TTN: variants seen among roughly 807,000 people sequenced by gnomAD.
TTN encodes the protein connectin.
In TTN, 1,525 loss-of-function variants were observed where a neutral mutation model predicts 3,223.0. The observed-to-expected ratio is 0.47, with a 90% CI of 0.45 to 0.49. The LOEUF (loss-of-function observed/expected upper bound fraction) is 0.49, where lower values mean the gene tolerates loss of function less well. TTN is among the 20% of genes least tolerant of loss of function. TTN has a pLI of 0.00. For missense variants in TTN, 40,786 were observed against 43,424.0 expected (o/e 0.94, Z 5.40); for synonymous variants, 14,094 against 15,161.0 (o/e 0.93, Z 5.17).
Position 178,636,341 on chromosome 2 carries a change from C to G in TTN, c.41329+57G>C. ...TGTAAAACTACAATGCAAGTTGCTA[C>G]TAAGGTTTGTTACATTAAAGTTTAA... On this transcript the variant is annotated intron_variant, in intron 225 of 362. Coordinates refer to ENST00000589042, the MANE Select transcript of TTN (RefSeq NM_001267550.2). The surrounding 1 kb of genome is among the most constrained non-coding windows in gnomAD (Gnocchi z 4.3). The G allele has an allele frequency of 1.3e-6, 2 of 1,523,560 alleles. No homozygotes were observed. Among genetic ancestry groups the G allele is most frequent in the South Asian group, 2.7e-5 (2 of 74,964 alleles). The allele number at this position is 1,523,560 out of a possible 1,614,324, so 94.4% of individuals were successfully genotyped here.
At position 178,539,944 on chromosome 2, in the gene TTN, A is replaced by G. The variant is rs1693581690; in HGVS notation, c.98121T>C (p.Asp32707=). The change falls in exon 352 of 363, where the codon GAT becomes GAC. Residue 32707 remains aspartate, a synonymous_variant. Transcript: ENST00000589042. ...CAAAGATACCTTCTTGGTATCTTTCATCAAGTTCATAATCAGGATATTCTG... is the reference window on the plus strand; with the variant it reads ...CAAAGATACCTTCTTGGTATCTTTCGTCAAGTTCATAATCAGGATATTCTG... ...EMLEYPDYEL[D]ERYQEGIFVR... 6.2e-7 allele frequency: 1 copy of G among 1,613,442 alleles called. No homozygotes were observed. Among genetic ancestry groups the G allele is most frequent in the Admixed American group, 1.7e-5 (1 of 59,980 alleles).
In TTN at chr2:178,543,468, G is replaced by A; in HGVS notation, c.96505C>T (p.Leu32169Phe). The stretch of plus-strand genomic sequence containing the variant: ...AAATAGTACATGGTTCCTTCTACAA[G>A]TCCAGAAATTCTGTAAAGTGTCTTG... Reference protein sequence around the residue: ...CSKTLYRISGLVEGTMYYFRV... With the variant: ...CSKTLYRISGFVEGTMYYFRV... The change falls in exon 347 of 363, where the codon CTT becomes TTT. Residue 32169 changes from leucine to phenylalanine, a missense_variant. Transcript: ENST00000589042. The A allele has an allele frequency of 6.2e-7, 1 of 1,613,754 alleles. No homozygotes were observed.
Position 178,589,280 on chromosome 2 carries a change from T to G in TTN, c.62445A>C (p.Ser20815=). The change falls in exon 304 of 363, where the codon TCA becomes TCC. Residue 20815 remains serine, a synonymous_variant. Transcript: ENST00000589042. ...KDKDATDLTR[S]PRVKIDTRAD... is the part of the protein sequence containing the mutation. ...CACGGGTATCAATCTTGACCCTTGG[T>G]GATCTTGTTAAGTCTGTAGCGTCTT... 3 of 1,613,502 alleles carry G rather than the reference T, an allele frequency of 1.9e-6. No individual in the cohort carries two copies. Among genetic ancestry groups the G allele is most frequent in the Non-Finnish European group, 2.5e-6 (3 of 1,179,620 alleles).
chr2:178,719,518 A>G, intron 82 of TTN, 36 bp downstream of exon 82: 1 of 1,588,432 alleles, frequency 6.3e-7, no homozygotes, highest in East Asian at 2.2e-5. Flanking sequence ...ACCCCCTGGA[A>G]ATATTGTATA....
chr2:178,789,949 C>A (rs879243897), intron 12 of TTN, 29 bp downstream of exon 12: 7 of 1,611,658 alleles, frequency 4.3e-6, no homozygotes, highest in African/African-American at 1.3e-5. Context: ...TAAAGATGAA[C>A]TTTTCACAGC....
intron 44 of TTN, 176 bp downstream of exon 44, chr2:178,758,808 A>T: frequency 1.5e-6 from 1 of 685,510 alleles, no homozygotes; most frequent in South Asian, 1.7e-5. Context: ...ATGATTCACA[A>T]TGAAAAGTGG....
Position 178,560,535 on chromosome 2 carries a change from C to T in TTN, c.85597G>A (p.Val28533Ile). 6.2e-7 allele frequency: 1 copy of T among 1,613,256 alleles called. No individual in the cohort carries two copies. Among genetic ancestry groups the T allele is most frequent in the Non-Finnish European group, 8.5e-7 (1 of 1,179,634 alleles). ...GCTACACTCTCTAGGGGCTCACCAA[C>T]ACCATATTTATTAACACCAGTTACT... is the stretch of plus-strand genomic sequence containing the variant. ...FRVTGVNKYG[V>I]GEPLESVAIK... Residue 28533 changes from valine (V) to isoleucine (I), a missense_variant, in exon 326 of 363, where the codon GTT (valine) becomes ATT (isoleucine). Coordinates refer to ENST00000589042, the MANE Select transcript of TTN (RefSeq NM_001267550.2).
chr2:178,700,473 T>C (rs1360507991), intron 111 of TTN, among the ~76,000 whole-genome samples: 2 of 152,216 alleles, frequency 1.3e-5, no homozygotes, highest in East Asian at 3.8e-4. Context: ...TCTGACAGCA[T>C]TTCTGAACTC....
Position 178,711,207 on chromosome 2 carries a change from G to A in TTN, c.28029C>T (p.Asp9343=), listed in dbSNP as rs751194103. The A allele has an allele frequency of 1.9e-6, 3 of 1,613,800 alleles. No homozygotes were observed. Among genetic ancestry groups the A allele is most frequent in the Non-Finnish European group, 2.5e-6 (3 of 1,179,780 alleles). ...SWYKDGKPLK[D]SPNVQTSFLD... The stretch of plus-strand genomic sequence containing the variant: ...AAAATGATGTTTGTACATTTGGGCT[G>A]TCTTTCAATGGCTTGCCGTCTTTAT... Residue 9343 remains aspartate (D), a synonymous_variant, in exon 97 of 363, where the codon GAC becomes GAT. Coordinates refer to ENST00000589042, the MANE Select transcript of TTN (RefSeq NM_001267550.2).
intron 3 of TTN, 33 bp from the exon 4 acceptor site, chr2:178,800,715 G>A (rs776999019): frequency 5.1e-6 from 8 of 1,582,402 alleles, no homozygotes; most frequent in Non-Finnish European, 6.0e-6. Flanking sequence ...TCAAGAGTGA[G>A]AGCCAGGGTG....
chr2:178,689,798 C>A lies in TTN; in HGVS notation c.31846+15G>T. The A allele has an allele frequency of 1.9e-6, 3 of 1,592,316 alleles. No homozygotes were observed. The highest frequency in any genetic ancestry group is 2.6e-6 in the Non-Finnish European group (3 of 1,172,816). On this transcript the variant is annotated intron_variant, in intron 122 of 362. Coordinates refer to ENST00000589042, the MANE Select transcript of TTN (RefSeq NM_001267550.2). The stretch of plus-strand genomic sequence containing the variant: ...AAAGATAAAAGATAGGGCTTTACGT[C>A]GAAAGCCACTGTACCTTTAGCTGGG...
chr2:178,614,096 C>G lies in TTN; in HGVS notation c.49301G>C (p.Gly16434Ala). The change falls in exon 262 of 363, where the codon GGT (glycine) becomes GCT (alanine). Residue 16434 changes from glycine to alanine, a missense_variant. Gly to Ala is a moderately conservative substitution (Grantham distance 60). Coordinates refer to ENST00000589042, the MANE Select transcript of TTN (RefSeq NM_001267550.2). ...TATTGGAGAGGCCTGAACTGGTTCA[C>G]CAACACCATACATGTTTTCTGCAGC... ...RVAAENMYGV[G>A]EPVQASPITA... 6.2e-7 allele frequency: 1 copy of G among 1,612,478 alleles called. No individual in the cohort carries two copies. Among genetic ancestry groups the G allele is most frequent in the Non-Finnish European group, 8.5e-7 (1 of 1,179,224 alleles).
Position 178,614,859 on chromosome 2 carries a change from C to T in TTN, c.48748G>A (p.Val16250Met), listed in dbSNP as rs1051281754. Residue 16250 changes from valine to methionine, a missense_variant, in exon 260 of 363, where the codon GTG becomes ATG. Coordinates refer to ENST00000589042, the MANE Select transcript of TTN (RefSeq NM_001267550.2). The stretch of plus-strand genomic sequence containing the variant: ...CAAAAATAGATACCTTGTGTGTCCA[C>T]AGCCTGGATTTCCTCTGTGGGTCTG... ...PSRPTEEIQA[V>M]DTQEAPEIFL... 2 of 1,572,220 alleles carry T rather than the reference C, an allele frequency of 1.3e-6. No homozygotes were observed. Among genetic ancestry groups the T allele is most frequent in the Non-Finnish European group, 1.7e-6 (2 of 1,157,368 alleles).
At chr2:178,587,083 T>C in intron 307 of TTN, 35 bp downstream of exon 307, 1 of 1,610,036 alleles carries the variant, frequency 6.2e-7, no homozygotes, top group Non-Finnish European at 8.5e-7. Flanking sequence ...AATAGGAGAC[T>C]GGGGTTAAAA....
chr2:178,635,514 G>T lies in TTN; in HGVS notation c.41810C>A (p.Ala13937Asp). ...GNHLYLKIKN[A>D]MPEDIAEYAV... is the part of the protein sequence containing the mutation. ...ATACTCAGCAATATCTTCTGGCATA[G>T]CATTCTTAATTTTGAGGTACAGATG... The change falls in exon 227 of 363, where the codon GCT (alanine) becomes GAT (aspartate). Residue 13937 changes from alanine (A) to aspartate (D), a missense_variant. Physicochemically the swap from Ala to Asp is moderately radical, Grantham distance 126. Coordinates refer to ENST00000589042, the MANE Select transcript of TTN (RefSeq NM_001267550.2). The T allele has an allele frequency of 6.2e-7, 1 of 1,601,206 alleles. No homozygotes were observed. Among genetic ancestry groups the T allele is most frequent in the Admixed American group, 1.7e-5 (1 of 58,146 alleles).
Position 178,757,835 on chromosome 2 carries a change from C to A in TTN, c.10385G>T (p.Gly3462Val), listed in dbSNP as rs1239397665. 1 of 1,595,142 alleles carries A rather than the reference C, an allele frequency of 6.3e-7. No homozygotes were observed. The highest frequency in any genetic ancestry group is 1.1e-5 in the South Asian group (1 of 88,294). ...AGGCTGGATGAAGCTGGGCTTTTGG[C>A]CAAGGGGCTCCTTCTTAAATGAAAC... ...LSVSFKKEPL[G>V]QKPSFIQPLS... Residue 3462 changes from glycine (G) to valine (V), a missense_variant, in exon 45 of 363, where the codon GGC becomes GTC. Physicochemically the swap from Gly to Val is moderately radical, Grantham distance 109. Transcript: ENST00000589042.
chr2:178,749,512 G>A, intron 47 of TTN: 1 of 1,612,832 alleles, frequency 6.2e-7, no homozygotes, highest in South Asian at 1.1e-5. Flanking sequence ...CATTTGTCCA[G>A]GGAGTAAAGG....
At position 178,536,337 on chromosome 2, in the gene TTN, T is replaced by A; in HGVS notation, c.100410A>T (p.Glu33470Asp). ...TCCATTCACTTTCCCCACCTAGATTTTCACATTTCACACGAAACTCGTATT... is the reference window on the plus strand; with the variant it reads ...TCCATTCACTTTCCCCACCTAGATTATCACATTTCACACGAAACTCGTATT... ...GLEYEFRVKCENLGGESEWSE... is the reference protein window; with the variant it reads ...GLEYEFRVKCDNLGGESEWSE... Residue 33470 changes from glutamate to aspartate, a missense_variant, in exon 357 of 363, where the codon GAA (glutamate) becomes GAT (aspartate). Coordinates refer to ENST00000589042, the MANE Select transcript of TTN (RefSeq NM_001267550.2). 1 of 1,613,788 alleles carries A rather than the reference T, an allele frequency of 6.2e-7. No homozygotes were observed. The highest frequency in any genetic ancestry group is 8.5e-7 in the Non-Finnish European group (1 of 1,179,784).
At chr2:178,756,867 T>C in intron 45 of TTN, 70 bp from the exon 46 acceptor site, 1 of 1,371,956 alleles carries the variant, frequency 7.3e-7, no homozygotes, top group Non-Finnish European at 1.0e-6. Flanking sequence ...CCCATGTTAG[T>C]AACACAAAAT....
Sources: gnomAD v4.1 joint callset for allele counts (sites outside exome capture counted in the v4.1 genomes callset) on GRCh38, gnomAD v4.1.1 for gene constraint, Gnocchi (gnomAD v3.1) non-coding constraint, MANE v1.5 for transcripts, NCBI Gene and HGNC (gene_info 2026-07-23, HGNC 2026-07-21) for gene names.